PARG: variants seen among roughly 807,000 people sequenced by gnomAD.
The protein encoded by PARG is poly(ADP-ribose) glycohydrolase, also known as mitochondrial poly(ADP-ribose) glycohydrolase.
Under a neutral mutation model 113.0 loss-of-function variants are expected in PARG, and 35 were observed. The ratio of observed to expected loss-of-function variants is 0.31; its 90% CI spans 0.24 to 0.41. PARG has a LOEUF of 0.41. Among genes scored for constraint, PARG ranks in the 10% least tolerant of loss-of-function variants. The pLI is 1.00. For synonymous variants in PARG, 330 were observed against 409.9 expected, an observed-to-expected ratio of 0.81 and a Z score of 2.36; for missense variants, 797 against 1,169.4, an observed-to-expected ratio of 0.68 and a Z score of 4.64.
In PARG at chr10:49,922,612, A is replaced by T. The variant is rs201117929; in HGVS notation, c.1513T>A (p.Leu505Met). The part of the protein sequence containing the change: ...PKPFPTHYKD[L>M]WDNKHVKMPC... Reference sequence around the variant, plus strand: ...ATTTTAACATGCTTGTTATCCCACAAATCTTTATAATGTGTTGGAAAAGGT... The same window carrying T: ...ATTTTAACATGCTTGTTATCCCACATATCTTTATAATGTGTTGGAAAAGGT... Residue 505 changes from leucine to methionine, a missense_variant, in exon 5 of 18, where the codon TTG becomes ATG. By Grantham distance (15) the Leu-to-Met change is conservative (BLOSUM62 2). Around this residue, in one of 5 missense-constraint regions of PARG, gnomAD observed 252 missense variants for 437.4 expected, o/e 0.58. Coordinates refer to ENST00000616448, the MANE Select transcript of PARG (RefSeq NM_003631.5). 541 of 1,599,300 alleles carry T rather than the reference A, an allele frequency of 3.4e-4. 1 individual carries two copies. The highest frequency in any genetic ancestry group is 1.4e-3 in the Middle Eastern group (6 of 4,400).
intron 13 of PARG, among the ~76,000 whole-genome samples, chr10:49,847,592 G>T (rs1287982766): frequency 2.0e-5 from 3 of 151,876 alleles, no homozygotes; most frequent in African/African-American, 7.3e-5. Flanking sequence ...GAAAAGCTGA[G>T]AAATGGTTCC....
At chr10:49,851,781 C>CAAA (rs782455561) in intron 13 of PARG, among the ~76,000 whole-genome samples, 1 of 81,962 alleles carries the variant, frequency 1.2e-5, no homozygotes, top group Non-Finnish European at 2.4e-5. Context: ...TAAGAGAAGA[C>CAAA]AAAAAAAAAA....
At chr10:49,916,924 G>A (rs1554847789) in intron 6 of PARG, among the ~76,000 whole-genome samples, 4 of 151,890 alleles carry the variant, frequency 2.6e-5, no homozygotes, top group Admixed American at 2.6e-4. Flanking sequence ...TCCAAATTTC[G>A]TTATCATTGA....
At chr10:49,934,925 G>A in intron 2 of PARG, 151 bp downstream of exon 2, 1 of 610,058 alleles carries the variant, frequency 1.6e-6, no homozygotes, top group East Asian at 2.8e-5. Context: ...TGGCATACAG[G>A]ACTCTCTAAA....
chr10:49,849,612 T>C (rs1554833848), intron 13 of PARG, among the ~76,000 whole-genome samples: 2 of 152,260 alleles, frequency 1.3e-5, no homozygotes, highest in Admixed American at 6.5e-5. Context: ...CATAATTGTA[T>C]ACTTTAAACA....
intron 4 of PARG, among the ~76,000 whole-genome samples, chr10:49,929,898 T>A (rs1838403263): frequency 6.7e-6 from 1 of 150,126 alleles, no homozygotes; most frequent in Non-Finnish European, 1.5e-5. Context: ...TAAGTGATGA[T>A]GAGACAGTTT....
intron 15 of PARG, among the ~76,000 whole-genome samples, chr10:49,838,431 CAAAAAAAAAA>C (rs782657099): frequency 1.2e-4 from 5 of 40,294 alleles, no homozygotes; most frequent in Non-Finnish European, 1.7e-4. Flanking sequence ...AACTCCGTCT[CAAAAAAAAAA>C]AAAAAAAAAA....
intron 7 of PARG, among the ~76,000 whole-genome samples, chr10:49,894,446 G>C (rs1847976994): frequency 6.6e-6 from 1 of 151,910 alleles, no homozygotes. Flanking sequence ...AAAAGCTGTA[G>C]GTCCTAGGAA....
rs1702882592 is a variant in PARG, at chr10:49,932,288, G to A, written c.1272-5C>T. ...TTGGTTTCCCACTGTTCTTTTCTAA[G>A]GTCAAGACAAATGTATTTAGTCACA... On this transcript the variant is annotated splice_polypyrimidine_tract_variant and splice_region_variant and intron_variant, in intron 3 of 17. Transcript: ENST00000616448. The A allele has an allele frequency of 2.0e-6, 3 of 1,526,634 alleles. No homozygotes were observed. The highest frequency in any genetic ancestry group is 2.7e-6 in the Non-Finnish European group (3 of 1,100,172). The allele number at this position is 1,526,634 out of a possible 1,614,324, so 94.6% of individuals were successfully genotyped here.
At chr10:49,868,237 T>C (rs1554837264) in intron 10 of PARG, among the ~76,000 whole-genome samples, 1 of 152,234 alleles carries the variant, frequency 6.6e-6, no homozygotes, top group African/African-American at 2.4e-5. Context: ...TCCACCCACC[T>C]TGGCCTCCCA....
chr10:49,925,783 G>A (rs1435812782), intron 4 of PARG, among the ~76,000 whole-genome samples: 11 of 152,230 alleles, frequency 7.2e-5, no homozygotes, highest in Non-Finnish European at 1.5e-4. Flanking sequence ...GGAAATAAAA[G>A]AAAATCTCGA....
chr10:49,873,511 G>T (rs1588925292), intron 9 of PARG, among the ~76,000 whole-genome samples: 2 of 151,536 alleles, frequency 1.3e-5, no homozygotes, highest in East Asian at 3.9e-4. Context: ...GTAGAAGACA[G>T]TGATCAAGTT....
chr10:49,819,425 T>C lies in PARG; in HGVS notation c.2846A>G (p.Asp949Gly), dbSNP rs1202027683. Residue 949 changes from aspartate to glycine, a missense_variant, in exon 18 of 18, where the codon GAC (aspartate) becomes GGC (glycine). By Grantham distance (94) the Asp-to-Gly change is moderately conservative. Coordinates refer to ENST00000616448, the MANE Select transcript of PARG (RefSeq NM_003631.5). ...ECRNCSTPGP[D>G]IKLYPFIYHA... ...GTATATGAATGGATAAAGCTTGATGTCTGGTCCAGGGGTGGAACAGTTTCT... is the reference window on the plus strand; with the variant it reads ...GTATATGAATGGATAAAGCTTGATGCCTGGTCCAGGGGTGGAACAGTTTCT... 1.3e-6 allele frequency: 2 copies of C among 1,550,966 alleles called. No homozygotes were observed. The highest frequency in any genetic ancestry group is 1.7e-6 in the Non-Finnish European group (2 of 1,146,408).
chr10:49,920,561 C>T (rs539154958), intron 6 of PARG, among the ~76,000 whole-genome samples: 80 of 111,768 alleles, frequency 7.2e-4, no homozygotes, highest in African/African-American at 2.4e-3. Flanking sequence ...TACATATATA[C>T]GTATATATAC....
chr10:49,920,587 C>A (rs558370217), intron 6 of PARG, among the ~76,000 whole-genome samples: 1 of 136,476 alleles, frequency 7.3e-6, no homozygotes, highest in South Asian at 2.3e-4. Context: ...TATATATACA[C>A]ATATATACAT....
intron 8 of PARG, among the ~76,000 whole-genome samples, chr10:49,882,401 A>G (rs1305152246): frequency 6.6e-6 from 1 of 151,620 alleles, no homozygotes; most frequent in African/African-American, 2.4e-5. Context: ...ACTTGCCACA[A>G]GACGTATTTT....
At chr10:49,926,976 G>A (rs1295560533) in intron 4 of PARG, among the ~76,000 whole-genome samples, 1 of 152,108 alleles carries the variant, frequency 6.6e-6, no homozygotes, top group African/African-American at 2.4e-5. Context: ...CACTGGGTGA[G>A]TGTACTCAGG....
intron 7 of PARG, among the ~76,000 whole-genome samples, chr10:49,912,662 G>A (rs782503898): frequency 2.0e-5 from 3 of 151,394 alleles, no homozygotes; most frequent in Non-Finnish European, 2.9e-5. Context: ...AATCCATCTC[G>A]AAAATAAAGA....
In PARG at chr10:49,917,500, AAAAAAAAG is replaced by A. The variant is rs574743435; in HGVS notation, c.1663-1517_1663-1510del. ...CGAGACTCCGTCTCAAAAAAAAAAAAAAAAAAAGAAAAAAAGAAAAAAGAATTAAGAGA... is the reference window on the plus strand; with the variant it reads ...CGAGACTCCGTCTCAAAAAAAAAAAAAAAAAAAGAAAAAAGAATTAAGAGA... On this transcript the variant is annotated intron_variant, in intron 6 of 17. Coordinates refer to ENST00000616448, the MANE Select transcript of PARG (RefSeq NM_003631.5). 3.7e-3 allele frequency among the ~76,000 whole-genome samples: 554 copies of A among 149,930 alleles called. 3 individuals are homozygous for A. Among genetic ancestry groups the A allele is most frequent in the African/African-American group, 0.011 (438 of 40,850 alleles).
Sources: allele counts gnomAD v4.1 joint callset (sites outside exome capture counted in the v4.1 genomes callset), GRCh38; gene constraint gnomAD v4.1.1; regional missense constraint gnomAD v4.1.1; transcripts MANE v1.5; gene names NCBI Gene and HGNC (gene_info 2026-07-23, HGNC 2026-07-21).